Variants in CNTNAP3 observed in about 807,000 individuals in gnomAD.
The protein encoded by CNTNAP3 is contactin-associated protein-like 3.
A neutral mutation model predicts 92.1 loss-of-function variants in CNTNAP3; 36 were observed. The observed-to-expected ratio is 0.39, with a 90% CI of 0.30 to 0.52. The LOEUF (loss-of-function observed/expected upper bound fraction) is 0.52. Ranked by LOEUF, CNTNAP3 falls within the 20% of genes least tolerant of loss-of-function variation. The pLI, the probability that CNTNAP3 is intolerant of heterozygous loss-of-function variation, is 0.76. For missense variants in CNTNAP3, 534 were observed against 1,069.6 expected (o/e 0.50, Z 6.98); for synonymous variants, 232 against 422.3 (o/e 0.55, Z 5.53).
intron 13 of CNTNAP3, among the ~76,000 whole-genome samples, chr9:39,122,247 CG>C (rs1196832269): frequency 6.6e-6 from 1 of 152,146 alleles, no homozygotes; most frequent in East Asian, 1.9e-4. Context: ...CCCAGCTACT[CG>C]GGAGGCTGAG....
chr9:39,141,804 T>C lies in CNTNAP3; in HGVS notation c.1757-1166A>G, dbSNP rs543772325. ...AGGAAAGTGACTAGAATTTGTGCTT[T>C]ATGTGAATTTTTTGGCTTTTTAAAT... On this transcript the variant is annotated intron_variant, in intron 11 of 23. Coordinates refer to ENST00000297668, the MANE Select transcript of CNTNAP3 (RefSeq NM_033655.5). Among the ~76,000 whole-genome samples the C allele has an allele frequency of 6.6e-5, 10 of 152,322 alleles. No homozygotes were observed. The East Asian group carries it at 1.9e-3, about 29-fold the overall frequency.
At chr9:39,093,928 T>C (rs539445659) in intron 18 of CNTNAP3, among the ~76,000 whole-genome samples, 4 of 151,384 alleles carry the variant, frequency 2.6e-5, no homozygotes, top group South Asian at 4.2e-4. Context: ...CTACTTTGAG[T>C]TAACTCTAAA....
intron 13 of CNTNAP3, among the ~76,000 whole-genome samples, chr9:39,125,409 A>G (rs561654451): frequency 6.6e-6 from 1 of 152,272 alleles, no homozygotes; most frequent in South Asian, 2.1e-4. Context: ...GCTAATGTAA[A>G]TGATGAGTTA....
rs1161262246 is a variant in CNTNAP3, at chr9:39,206,627, C to T, written c.391-13352G>A. 2.9e-4 allele frequency among the ~76,000 whole-genome samples: 7 copies of T among 24,092 alleles called. 3 individuals are homozygous for T. The highest frequency in any genetic ancestry group is 4.2e-4 in the African/African-American group (5 of 11,882). The allele number at this position is 24,092 out of a possible 152,430, so 15.8% of individuals were successfully genotyped here. ...GACTCCTGAGGACAACCGACTCAGA[C>T]GGGGTCCGAAGAAATTCAGATCGGT... On this transcript the variant is annotated intron_variant, in intron 3 of 23. Transcript: ENST00000297668.
intron 12 of CNTNAP3, among the ~76,000 whole-genome samples, chr9:39,135,780 T>C (rs1360078262): frequency 6.6e-6 from 1 of 152,036 alleles, no homozygotes; most frequent in African/African-American, 2.4e-5. Flanking sequence ...TAATAAAGTG[T>C]TGAATATCTC....
chr9:39,138,308 G>A (rs1270510763), intron 12 of CNTNAP3, among the ~76,000 whole-genome samples: 1 of 152,124 alleles, frequency 6.6e-6, no homozygotes, highest in Admixed American at 6.5e-5. Flanking sequence ...GATTAGGTCT[G>A]AGTCCTTTAG....
chr9:39,086,829 T>C lies in CNTNAP3; in HGVS notation c.3241A>G (p.Lys1081Glu), dbSNP rs1826072935. The C allele has an allele frequency of 6.2e-7, 1 of 1,607,554 alleles. No individual in the cohort carries two copies. Among genetic ancestry groups the C allele is most frequent in the African/African-American group, 1.3e-5 (1 of 74,238 alleles). The change falls in exon 20 of 24, where the codon AAG (lysine) becomes GAG (glutamate). Residue 1081 changes from lysine (K) to glutamate (E), a missense_variant. Physicochemically the swap from Lys to Glu is moderately conservative, Grantham distance 56 (BLOSUM62 1). Coordinates refer to ENST00000297668, the MANE Select transcript of CNTNAP3 (RefSeq NM_033655.5). ...TCAGGATTTTGATGTCTATCTAGCT[T>C]GTACCTAATCTGCAAACTTCCTAAA... ...ANNGSLQIRY[K>E]LDRHQNPDAF... is the part of the protein sequence containing the mutation.
At chr9:39,111,352 T>C (rs1161117285) in intron 14 of CNTNAP3, among the ~76,000 whole-genome samples, 1 of 152,172 alleles carries the variant, frequency 6.6e-6, no homozygotes, top group Non-Finnish European at 1.5e-5. Flanking sequence ...AATTGGAAAA[T>C]ATAAAACTAA....
rs1825566097 is a variant in CNTNAP3 at position 39,068,633 on chromosome 9, G to A, written c.*5257C>T. Among the ~76,000 whole-genome samples, 1 of 152,306 alleles carries A rather than the reference G, an allele frequency of 6.6e-6. No homozygotes were observed. The highest frequency in any genetic ancestry group is 1.5e-5 in the Non-Finnish European group (1 of 68,054). Reference sequence around the variant, plus strand: ...GGGCGACCCTCTCCAGATTTGCAAAGTTTTCTCCAATGCAGCTCTTTCCTC... The same window carrying A: ...GGGCGACCCTCTCCAGATTTGCAAAATTTTCTCCAATGCAGCTCTTTCCTC... On this transcript the variant is annotated 3_prime_UTR_variant, in exon 24 of 24. Coordinates refer to ENST00000297668, the MANE Select transcript of CNTNAP3 (RefSeq NM_033655.5).
rs1243424140 is a variant in CNTNAP3 at position 39,087,083 on chromosome 9, G to C, written c.3221-234C>G. ...TTGAAAAGTCAAGACTAAATGTGTT[G>C]TTAATAAGCAGTCTCCCCAAACCTT... On this transcript the variant is annotated intron_variant, in intron 19 of 23. Coordinates refer to ENST00000297668, the MANE Select transcript of CNTNAP3 (RefSeq NM_033655.5). 1.3e-5 allele frequency among the ~76,000 whole-genome samples: 2 copies of C among 152,008 alleles called. 1 individual carries two copies. The highest frequency in any genetic ancestry group is 2.9e-5 in the Non-Finnish European group (2 of 67,998).
chr9:39,142,236 G>C (rs558902662), intron 11 of CNTNAP3, among the ~76,000 whole-genome samples: 1 of 152,294 alleles, frequency 6.6e-6, no homozygotes, highest in East Asian at 1.9e-4. Flanking sequence ...TAACACACAA[G>C]ATTAGGCTTC....
At position 39,066,850 on chromosome 9, in the gene CNTNAP3, C is replaced by T. The variant is rs1312184335; in HGVS notation, c.*7040G>A. ...TGTGATGTGGTTTTCTTAATAGCAC[C>T]CCTACTTGGGGATGTTGAGCTGGGT... On this transcript the variant is annotated 3_prime_UTR_variant, in exon 24 of 24. Coordinates refer to ENST00000297668, the MANE Select transcript of CNTNAP3 (RefSeq NM_033655.5). 5.3e-5 allele frequency among the ~76,000 whole-genome samples: 8 copies of T among 152,268 alleles called. No individual in the cohort carries two copies. The highest frequency in any genetic ancestry group is 1.9e-4 in the African/African-American group (8 of 41,534).
intron 22 of CNTNAP3, 103 bp from the exon 23 acceptor site, chr9:39,078,559 A>G: frequency 8.3e-6 from 13 of 1,558,568 alleles, no homozygotes; most frequent in Non-Finnish European, 7.0e-6. Flanking sequence ...AAATAAGAAC[A>G]TCACAAAAAT....
At position 39,068,567 on chromosome 9, in the gene CNTNAP3, C is replaced by T. The variant is rs1389240395; in HGVS notation, c.*5323G>A. 6.6e-6 allele frequency among the ~76,000 whole-genome samples: 1 copy of T among 152,310 alleles called. No homozygotes were observed. Among genetic ancestry groups the T allele is most frequent in the African/African-American group, 2.4e-5 (1 of 41,486 alleles). ...TGTAATTCTTTTGAGTGTTTCTTTC[C>T]CTTGCCTCAGGTAGTTTCATGCACT... On this transcript the variant is annotated 3_prime_UTR_variant, in exon 24 of 24. Coordinates refer to ENST00000297668, the MANE Select transcript of CNTNAP3 (RefSeq NM_033655.5).
chr9:39,279,615 TA>T (rs1822984582), intron 1 of CNTNAP3, among the ~76,000 whole-genome samples: 1 of 8,430 alleles, frequency 1.2e-4, no homozygotes, highest in Non-Finnish European at 1.1e-3. Flanking sequence ...TATGCAGCCA[TA>T]AAAAATGATG....
At position 39,073,031 on chromosome 9, in the gene CNTNAP3, T is replaced by G. The variant is rs1251053959; in HGVS notation, c.*859A>C. 4 of 152,738 alleles carry G rather than the reference T, an allele frequency of 2.6e-5. No individual in the cohort carries two copies. The highest frequency in any genetic ancestry group is 5.9e-5 in the Non-Finnish European group (4 of 68,076). The allele number at this position is 152,738 out of a possible 1,614,324, so 9.5% of individuals were successfully genotyped here. A position where few individuals can be genotyped will look rare whatever the true frequency, so the allele number is the denominator to read the frequency against. On this transcript the variant is annotated 3_prime_UTR_variant, in exon 24 of 24. Transcript: ENST00000297668. ...TTTAGTTAAAAACATAATCACAAGT[T>G]ACAAAAACTGTAATTACAAATTACA... is the stretch of plus-strand genomic sequence containing the variant.
intron 13 of CNTNAP3, among the ~76,000 whole-genome samples, chr9:39,131,301 G>A (rs1821287557): frequency 6.6e-6 from 1 of 152,136 alleles, no homozygotes; most frequent in South Asian, 2.1e-4. Flanking sequence ...AATACTACAG[G>A]GTCCATTTCA....
At chr9:39,127,667 T>C (rs1235637097) in intron 13 of CNTNAP3, among the ~76,000 whole-genome samples, 2 of 152,130 alleles carry the variant, frequency 1.3e-5, no homozygotes, top group Admixed American at 1.3e-4. Flanking sequence ...ACAATTCAGA[T>C]TAATGGACAA....
At chr9:39,090,435 T>A (rs981468679) in intron 18 of CNTNAP3, among the ~76,000 whole-genome samples, 2 of 152,230 alleles carry the variant, frequency 1.3e-5, no homozygotes, top group Non-Finnish European at 2.9e-5. Context: ...GAGGTCTAAT[T>A]TCATTCATTT....
Sources: gnomAD v4.1 joint callset for allele counts (sites outside exome capture counted in the v4.1 genomes callset) on GRCh38, gnomAD v4.1.1 for gene constraint, MANE v1.5 for transcripts, NCBI Gene and HGNC (gene_info 2026-07-23, HGNC 2026-07-21) for gene names.